KIAA0513: variants seen among roughly 807,000 people sequenced by gnomAD.
The protein encoded by KIAA0513 is uncharacterized protein KIAA0513.
Under a neutral mutation model 56.5 loss-of-function variants are expected in KIAA0513, and 39 were observed. The ratio of observed to expected loss-of-function variants is 0.69; its 90% confidence interval spans 0.53 to 0.90. The LOEUF (loss-of-function observed/expected upper bound fraction) is 0.90. Ranked by LOEUF, KIAA0513 falls within the 40% of genes least tolerant of loss-of-function variation. The pLI is 0.00. For synonymous variants in KIAA0513, 268 were observed against 215.6 expected, an observed-to-expected ratio of 1.24 and a Z score of -2.13; for missense variants, 591 against 535.2, an observed-to-expected ratio of 1.10 and a Z score of -1.03.
chr16:85,041,666 A>C (rs1347647615), intron 1 of KIAA0513, among the ~76,000 whole-genome samples: 1 of 152,214 alleles, frequency 6.6e-6, no homozygotes, highest in East Asian at 1.9e-4. Flanking sequence ...GAAGTGGCAG[A>C]GACAGCAGCT....
intron 2 of KIAA0513, among the ~76,000 whole-genome samples, chr16:85,068,489 C>T (rs2073523207): frequency 6.6e-6 from 1 of 152,076 alleles, no homozygotes; most frequent in South Asian, 2.1e-4. Context: ...CCCGCCACCA[C>T]ACCCGGCTAG....
chr16:85,044,427 T>A (rs924771126), intron 1 of KIAA0513, among the ~76,000 whole-genome samples: 3 of 152,092 alleles, frequency 2.0e-5, no homozygotes, highest in Non-Finnish European at 4.4e-5. Context: ...TTTCTTGGGG[T>A]TCGAAGTGAG....
intron 1 of KIAA0513, among the ~76,000 whole-genome samples, chr16:85,056,470 C>A (rs943508872): frequency 2.0e-5 from 3 of 152,172 alleles, no homozygotes; most frequent in East Asian, 3.9e-4. Flanking sequence ...CAGCCCACCC[C>A]ACGGGAAATG....
At chr16:85,063,685 T>C (rs74031415) in intron 1 of KIAA0513, 4,917 of 152,226 alleles carry the variant, frequency 0.032, 146 homozygotes, top group African/African-American at 0.073. Flanking sequence ...GTGTTTGCCA[T>C]GCAGTGTTAG....
Position 85,027,836 on chromosome 16 carries a change from G to T in KIAA0513, c.-195G>T, listed in dbSNP as rs1016234704. 7 of 152,158 alleles carry T rather than the reference G, an allele frequency of 4.6e-5. No homozygotes were observed. The highest frequency in any genetic ancestry group is 7.2e-5 in the African/African-American group (3 of 41,458). The allele number at this position is 152,158 out of a possible 1,614,324, so 9.4% of individuals were successfully genotyped here. A position where few individuals can be genotyped will look rare whatever the true frequency, so the allele number is the denominator to read the frequency against. On this transcript the variant is annotated 5_prime_UTR_variant, in exon 1 of 13. Transcript: ENST00000683363. ...CCGAGTCTGACGGCGCCGGTTCGCT[G>T]CCCGGTCCGCCCGCGGTGAGAGGTG...
chr16:85,062,498 G>C (rs1467846929), intron 1 of KIAA0513, among the ~76,000 whole-genome samples: 1 of 152,206 alleles, frequency 6.6e-6, no homozygotes, highest in Non-Finnish European at 1.5e-5. Context: ...CCTATCTGCG[G>C]TGACACAGAT....
At chr16:85,032,389 A>G (rs2072977278) in intron 1 of KIAA0513, among the ~76,000 whole-genome samples, 1 of 152,236 alleles carries the variant, frequency 6.6e-6, no homozygotes, top group Non-Finnish European at 1.5e-5. Flanking sequence ...GCCGTAGTGC[A>G]GGGCATGATC....
intron 1 of KIAA0513, among the ~76,000 whole-genome samples, chr16:85,053,269 T>C (rs1366515809): frequency 6.6e-6 from 1 of 152,194 alleles, no homozygotes; most frequent in African/African-American, 2.4e-5. Context: ...ACATCATGCC[T>C]GATACACGGA....
intron 1 of KIAA0513, among the ~76,000 whole-genome samples, chr16:85,053,274 C>T (rs1054147133): frequency 6.6e-6 from 1 of 152,190 alleles, no homozygotes; most frequent in African/African-American, 2.4e-5. Flanking sequence ...ATGCCTGATA[C>T]ACGGAAGGTA....
chr16:85,087,869 C>A (rs6564100), intron 12 of KIAA0513, among the ~76,000 whole-genome samples: 99,048 of 152,196 alleles, frequency 0.65, 34,477 homozygotes, highest in African/African-American at 0.89. Context: ...GAATGTTGCT[C>A]GCAGCCCCAC....
At chr16:85,035,250 C>G (rs964269614) in intron 1 of KIAA0513, among the ~76,000 whole-genome samples, 1 of 152,200 alleles carries the variant, frequency 6.6e-6, no homozygotes. Context: ...AGAAGTGGCT[C>G]TGCAAGTTCT....
chr16:85,078,284 C>G (rs1298227242), intron 6 of KIAA0513, 131 bp from the exon 7 acceptor site: 1 of 883,532 alleles, frequency 1.1e-6, no homozygotes, highest in East Asian at 2.7e-5. Context: ...GCCTTGATTT[C>G]ATAAAAGGCT....
intron 1 of KIAA0513, among the ~76,000 whole-genome samples, chr16:85,032,920 C>G (rs186510146): frequency 2.6e-5 from 4 of 152,046 alleles, no homozygotes; most frequent in African/African-American, 9.7e-5. Context: ...ATAGAGACCG[C>G]GCCCGGCCCC....
intron 7 of KIAA0513, 39 bp downstream of exon 7, chr16:85,078,494 A>G: frequency 6.3e-7 from 1 of 1,595,844 alleles, no homozygotes. Context: ...CGCCCAGCCC[A>G]CAGCCCCTCA....
intron 1 of KIAA0513, among the ~76,000 whole-genome samples, chr16:85,060,795 G>T (rs1216569211): frequency 6.7e-6 from 1 of 149,846 alleles, no homozygotes; most frequent in East Asian, 2.0e-4. Context: ...AGTGAGCCAA[G>T]ATTGCACCAC....
intron 1 of KIAA0513, among the ~76,000 whole-genome samples, chr16:85,063,010 C>G (rs757814563): frequency 6.6e-6 from 1 of 152,176 alleles, no homozygotes; most frequent in Non-Finnish European, 1.5e-5. Flanking sequence ...AGCTGAGATC[C>G]CTGAGCTGAG....
chr16:85,051,121 G>C (rs1022235473), intron 1 of KIAA0513, among the ~76,000 whole-genome samples: 2 of 152,058 alleles, frequency 1.3e-5, no homozygotes, highest in Non-Finnish European at 2.9e-5. Context: ...ACTTCAGCCT[G>C]GGCGACAGAG....
At chr16:85,086,844 C>A in intron 11 of KIAA0513, 120 bp downstream of exon 11, 1 of 964,494 alleles carries the variant, frequency 1.0e-6, no homozygotes, top group Non-Finnish European at 1.6e-6. Flanking sequence ...TGGGGTTCAT[C>A]ACACTTGGCC....
At position 85,091,853 on chromosome 16, in the gene KIAA0513, G is replaced by A. The variant is rs1462707923; in HGVS notation, c.*3528G>A. 6.6e-6 allele frequency: 1 copy of A among 152,140 alleles called. No individual in the cohort carries two copies. The highest frequency in any genetic ancestry group is 1.5e-5 in the Non-Finnish European group (1 of 68,070). The allele number at this position is 152,140 out of a possible 1,614,324, so 9.4% of individuals were successfully genotyped here. ...TCACACTGTAAAGAGTTTGTGAAAG[G>A]TTTCAGTCTAACTGGGGTTCCTTAG... On this transcript the variant is annotated 3_prime_UTR_variant, in exon 13 of 13. Transcript: ENST00000683363.
Sources: allele counts gnomAD v4.1 joint callset (sites outside exome capture counted in the v4.1 genomes callset), GRCh38; gene constraint gnomAD v4.1.1; transcripts MANE v1.5; gene names NCBI Gene and HGNC (gene_info 2026-07-23, HGNC 2026-07-21).